Variants in FAM110C observed in about 807,000 individuals in gnomAD.
FAM110C encodes the protein protein FAM110C.
In FAM110C, 19 loss-of-function variants were observed where a neutral mutation model predicts 15.7. That is an observed-to-expected ratio of 1.21 (90% CI 0.85 to 1.78). The LOEUF (loss-of-function observed/expected upper bound fraction) is 1.78. Ranked by LOEUF, FAM110C falls within the 40% of genes most tolerant of loss-of-function variation. The probability of loss-of-function intolerance (pLI) is 0.00; values close to 1 mark genes in which losing one functional copy is unlikely to be tolerated. For missense variants in FAM110C, 547 were observed against 495.7 expected, an observed-to-expected ratio of 1.10 and a Z score of -0.98; for synonymous variants, 275 against 233.9, an observed-to-expected ratio of 1.18 and a Z score of -1.61.
chr2:41,974 T>C (rs1057337932), intron 1 of FAM110C: 1 of 985,248 alleles, frequency 1.0e-6, no homozygotes, highest in Non-Finnish European at 1.2e-6. Context: ...GACAACAAAA[T>C]AGGAAGCAAT....
chr2:43,017 C>G (rs997860505), intron 1 of FAM110C: 2 of 985,490 alleles, frequency 2.0e-6, no homozygotes, highest in Non-Finnish European at 1.2e-6. Flanking sequence ...CCCTGCTGGT[C>G]TCCTCCAGTG....
In FAM110C at chr2:41,474, C is replaced by A. The variant is rs374778488; in HGVS notation, c.*134G>T. 52 of 995,714 alleles carry A rather than the reference C, an allele frequency of 5.2e-5. No individual in the cohort carries two copies. In the South Asian group the frequency reaches 7.3e-4, roughly 14 times the overall value. 61.7% of individuals were successfully genotyped at this position (995,714 alleles called of 1,614,324 possible). A position where few individuals can be genotyped will look rare whatever the true frequency, so the allele number is the denominator to read the frequency against. On this transcript the variant is annotated 3_prime_UTR_variant, in exon 2 of 2. Coordinates refer to ENST00000327669, the MANE Select transcript of FAM110C (RefSeq NM_001077710.3). ...CCCATATTCTCTGTAGTATTTTAAACCTTCTCAGAGCACTTGTTTTGTCAA... is the reference window on the plus strand; with the variant it reads ...CCCATATTCTCTGTAGTATTTTAAAACTTCTCAGAGCACTTGTTTTGTCAA...
rs968040978 is a variant in FAM110C, at chr2:40,447, C to T, written c.*1161G>A. The T allele has an allele frequency of 6.6e-6, 1 of 152,122 alleles. No homozygotes were observed. The highest frequency in any genetic ancestry group is 1.5e-5 in the Non-Finnish European group (1 of 68,040). The allele number at this position is 152,122 out of a possible 1,614,324, so 9.4% of individuals were successfully genotyped here. A position where few individuals can be genotyped will look rare whatever the true frequency, so the allele number is the denominator to read the frequency against. The stretch of plus-strand genomic sequence containing the variant: ...TGATATTAAGCTTTCGAAGAATTGG[C>T]TGGGTAACAAATTTTCTTTGGGTTA... On this transcript the variant is annotated 3_prime_UTR_variant, in exon 2 of 2. Coordinates refer to ENST00000327669, the MANE Select transcript of FAM110C (RefSeq NM_001077710.3).
rs1664271969 is a variant in FAM110C at position 45,814 on chromosome 2, AC to A, written c.571del (p.Val191TrpfsTer2). 6.5e-7 allele frequency: 1 copy of A among 1,545,458 alleles called. No homozygotes were observed. The highest frequency in any genetic ancestry group is 8.7e-7 in the Non-Finnish European group (1 of 1,149,502). ...GCGCTGCAGCCCCCGACGCCTCACCACCCGCGGCTCTGGCCCAGGGGGCGCG... is the reference window on the plus strand; with the variant it reads ...GCGCTGCAGCCCCCGACGCCTCACCACCGCGGCTCTGGCCCAGGGGGCGCG... ...PAAPPGPEPR[V>X]VRRRGLQRSQ... On this transcript the variant is annotated frameshift_variant, in exon 1 of 2. Coordinates refer to ENST00000327669, the MANE Select transcript of FAM110C (RefSeq NM_001077710.3). LOFTEE classifies it high-confidence loss of function.
intron 1 of FAM110C, 31 bp from the exon 2 acceptor site, chr2:41,658 A>T (rs764345865): frequency 6.2e-6 from 10 of 1,612,460 alleles, no homozygotes; most frequent in Non-Finnish European, 8.5e-6. Flanking sequence ...TAGTGAATCA[A>T]CTCCAGTCTA....
Position 41,323 on chromosome 2 carries a change from A to G in FAM110C, c.*285T>C. 1 of 388,448 alleles carries G rather than the reference A, an allele frequency of 2.6e-6. No homozygotes were observed. Among genetic ancestry groups the G allele is most frequent in the Non-Finnish European group, 4.6e-6 (1 of 219,236 alleles). 24.1% of individuals were successfully genotyped at this position (388,448 alleles called of 1,614,324 possible). A position where few individuals can be genotyped will look rare whatever the true frequency, so the allele number is the denominator to read the frequency against. ...CTCTTTGTCAGCAAGTCAGTCAAAA[A>G]GATTTCCAAACAGCTTTACGGTTTC... On this transcript the variant is annotated 3_prime_UTR_variant, in exon 2 of 2. Coordinates refer to ENST00000327669, the MANE Select transcript of FAM110C (RefSeq NM_001077710.3).
At chr2:43,327 A>T (rs1385820659) in intron 1 of FAM110C, 1 of 985,288 alleles carries the variant, frequency 1.0e-6, no homozygotes, top group East Asian at 1.1e-4. Flanking sequence ...AACTTCTCAG[A>T]AGACAGTTGC....
Position 46,334 on chromosome 2 carries a change from G to A in FAM110C, c.52C>T (p.Arg18Trp), listed in dbSNP as rs1268437925. Residue 18 changes from arginine (R) to tryptophan (W), a missense_variant, in exon 1 of 2, where the codon CGG becomes TGG. Physicochemically the swap from Arg to Trp is moderately radical, Grantham distance 101 (BLOSUM62 -3). Transcript: ENST00000327669. ...SAPPNERLLP[R>W]DPAATRDPDA... ...GGGTCCCGGGTAGCCGCGGGGTCCC[G>A]GGGAAGGAGCCGCTCGTTCGGGGGC... 1.7e-5 allele frequency: 22 copies of A among 1,317,580 alleles called. No individual in the cohort carries two copies. In the South Asian group the frequency reaches 1.9e-4, roughly 12 times the overall value. The allele number at this position is 1,317,580 out of a possible 1,614,324, so 81.6% of individuals were successfully genotyped here.
At position 45,515 on chromosome 2, in the gene FAM110C, C is replaced by G; in HGVS notation, c.871G>C (p.Ala291Pro). 1 of 1,614,174 alleles carries G rather than the reference C, an allele frequency of 6.2e-7. No individual in the cohort carries two copies. Residue 291 changes from alanine to proline, a missense_variant, in exon 1 of 2, where the codon GCC becomes CCC. Transcript: ENST00000327669. ...PSTTSVIERN[A>P]RIIKWLYTCK... is the part of the protein sequence containing the mutation. ...GTGTACAGCCACTTGATGATGCGGG[C>G]GTTCCTCTCGATGACCGAAGTGGTG...
At chr2:41,656 C>T in intron 1 of FAM110C, 29 bp from the exon 2 acceptor site, 1 of 1,613,092 alleles carries the variant, frequency 6.2e-7, no homozygotes, top group Non-Finnish European at 8.5e-7. Context: ...AATAGTGAAT[C>T]AACTCCAGTC....
Position 45,449 on chromosome 2 carries a change from G to C in FAM110C, c.937C>G (p.Arg313Gly). The C allele has an allele frequency of 1.2e-6, 2 of 1,609,210 alleles. No individual in the cohort carries two copies. The highest frequency in any genetic ancestry group is 1.7e-6 in the Non-Finnish European group (2 of 1,176,578). The part of the protein sequence containing the change: ...AKETPSQEQS[R>G]TRGSKPSR ...CCTTCTGGGCACACACCTCGGGTCC[G>C]GCTCTGCTCCTGGCTGGGGGTCTCC... Residue 313 changes from arginine (R) to glycine (G), a missense_variant, in exon 1 of 2, where the codon CGG becomes GGG. Transcript: ENST00000327669.
At chr2:42,745 C>T (rs1240318531) in intron 1 of FAM110C, 1 of 735,566 alleles carries the variant, frequency 1.4e-6, no homozygotes, top group Non-Finnish European at 1.7e-6. Flanking sequence ...TTGTAAATCT[C>T]TATCTACCAA....
chr2:46,144 G>A lies in FAM110C; in HGVS notation c.242C>T (p.Ala81Val). Residue 81 changes from alanine (A) to valine (V), a missense_variant, in exon 1 of 2, where the codon GCC becomes GTC. Coordinates refer to ENST00000327669, the MANE Select transcript of FAM110C (RefSeq NM_001077710.3). ...PGNDPGPPAR[A>V]PAPVARRAIA... Reference sequence around the variant, plus strand: ...AGCCCTGCGCGCCACCGGGGCCGGGGCGCGGGCCGGGGGCCCAGGGTCGTT... The same window carrying A: ...AGCCCTGCGCGCCACCGGGGCCGGGACGCGGGCCGGGGGCCCAGGGTCGTT... The A allele has an allele frequency of 7.0e-7, 1 of 1,433,076 alleles. No individual in the cohort carries two copies. Among genetic ancestry groups the A allele is most frequent in the Non-Finnish European group, 9.1e-7 (1 of 1,100,198 alleles). The allele number at this position is 1,433,076 out of a possible 1,614,324, so 88.8% of individuals were successfully genotyped here.
At chr2:45,278 A>G in intron 1 of FAM110C, 162 bp downstream of exon 1, 1 of 985,284 alleles carries the variant, frequency 1.0e-6, no homozygotes, top group Middle Eastern at 5.2e-4. Context: ...GGCTCAACTC[A>G]CAAGCCTCTG....
chr2:41,934 G>A (rs780702359), intron 1 of FAM110C: 5 of 985,168 alleles, frequency 5.1e-6, no homozygotes, highest in African/African-American at 1.7e-5. Context: ...TTACATGTTG[G>A]TAAGGCCAGT....
Position 46,235 on chromosome 2 carries a change from G to A in FAM110C, c.151C>T (p.Arg51Trp), listed in dbSNP as rs752096141. 1.3e-5 allele frequency: 18 copies of A among 1,401,630 alleles called. No individual in the cohort carries two copies. The South Asian group carries it at 1.4e-4, about 11-fold the overall frequency. The allele number at this position is 1,401,630 out of a possible 1,614,324, so 86.8% of individuals were successfully genotyped here. A position where few individuals can be genotyped will look rare whatever the true frequency, so the allele number is the denominator to read the frequency against. The change falls in exon 1 of 2, where the codon CGG (arginine) becomes TGG (tryptophan). Residue 51 changes from arginine (R) to tryptophan (W), a missense_variant. By Grantham distance (101) the Arg-to-Trp change is moderately radical (BLOSUM62 -3). Coordinates refer to ENST00000327669, the MANE Select transcript of FAM110C (RefSeq NM_001077710.3). Reference sequence around the variant, plus strand: ...GCGACGCCCCGGCCAGTCCCCGGCCGACCCCGCACATACTTGGCGCGATCC... The same window carrying A: ...GCGACGCCCCGGCCAGTCCCCGGCCAACCCCGCACATACTTGGCGCGATCC... The part of the protein sequence containing the change: ...AADRAKYVRG[R>W]PGTGRGVASE...
chr2:40,215 G>A lies in FAM110C; in HGVS notation c.*1393C>T, dbSNP rs1664088215. ...ATGAAGTAAAATAAAACTATCTGAA[G>A]ACTAATAACTGTGTAAAAATAAATA... is the stretch of plus-strand genomic sequence containing the variant. On this transcript the variant is annotated 3_prime_UTR_variant, in exon 2 of 2. Transcript: ENST00000327669. 1 of 152,120 alleles carries A rather than the reference G, an allele frequency of 6.6e-6. No individual in the cohort carries two copies. Among genetic ancestry groups the A allele is most frequent in the South Asian group, 2.1e-4 (1 of 4,830 alleles). 9.4% of individuals were successfully genotyped at this position (152,120 alleles called of 1,614,324 possible).
At chr2:44,431 C>A (rs1214276226) in intron 1 of FAM110C, 1 of 985,234 alleles carries the variant, frequency 1.0e-6, no homozygotes, top group Non-Finnish European at 1.2e-6. Context: ...CTACAGGCTG[C>A]CATGCATCTT....
rs1357668889 is a variant in FAM110C at position 40,844 on chromosome 2, C to T, written c.*764G>A. 1 of 152,194 alleles carries T rather than the reference C, an allele frequency of 6.6e-6. No homozygotes were observed. Among genetic ancestry groups the T allele is most frequent in the Non-Finnish European group, 1.5e-5 (1 of 68,028 alleles). 9.4% of individuals were successfully genotyped at this position (152,194 alleles called of 1,614,324 possible). ...GACCAAAGGAAACTCCAAGATTCTT[C>T]CGCTAACTCTCCAGAAACTGTCCAG... is the stretch of plus-strand genomic sequence containing the variant. On this transcript the variant is annotated 3_prime_UTR_variant, in exon 2 of 2. Coordinates refer to ENST00000327669, the MANE Select transcript of FAM110C (RefSeq NM_001077710.3).
Sources: allele counts gnomAD v4.1 joint callset, GRCh38; gene constraint gnomAD v4.1.1; transcripts MANE v1.5; gene names NCBI Gene and HGNC (gene_info 2026-07-23, HGNC 2026-07-21).